RPGRIP1L: variants seen among roughly 807,000 people sequenced by gnomAD.
The protein encoded by RPGRIP1L is protein fantom.
Under a neutral mutation model 160.4 loss-of-function variants are expected in RPGRIP1L, and 131 were observed. The ratio of observed to expected loss-of-function variants is 0.82; its 90% CI spans 0.71 to 0.94. RPGRIP1L has a LOEUF of 0.94. Among genes scored for constraint, RPGRIP1L ranks in the 40% least tolerant of loss-of-function variants. The pLI, the probability that RPGRIP1L is intolerant of heterozygous loss-of-function variation, is 0.00. For missense variants in RPGRIP1L, 1,522 were observed against 1,535.8 expected (o/e 0.99, Z 0.15); for synonymous variants, 510 against 515.8 (o/e 0.99, Z 0.15).
intron 9 of RPGRIP1L, among the ~76,000 whole-genome samples, chr16:53,668,684 G>A (rs1427415298): frequency 1.3e-5 from 2 of 152,068 alleles, no homozygotes; most frequent in African/African-American, 4.8e-5. Flanking sequence ...CAAAAGTGAA[G>A]CACAGCATTA....
chr16:53,651,904 T>G (rs1009350687), intron 15 of RPGRIP1L, among the ~76,000 whole-genome samples: 28 of 151,946 alleles, frequency 1.8e-4, no homozygotes, highest in Admixed American at 1.0e-3. Context: ...TTATAACTAT[T>G]AAACCATAAA....
chr16:53,623,904 T>A (rs995576344), intron 22 of RPGRIP1L, among the ~76,000 whole-genome samples: 2 of 152,350 alleles, frequency 1.3e-5, no homozygotes, highest in East Asian at 3.9e-4. Flanking sequence ...TATCTTTTTT[T>A]ATTTTTCTTC....
In RPGRIP1L at chr16:53,672,895, T is replaced by G; in HGVS notation, c.1004A>C (p.Lys335Thr). The G allele has an allele frequency of 6.2e-7, 1 of 1,613,054 alleles. No homozygotes were observed. Among genetic ancestry groups the G allele is most frequent in the Non-Finnish European group, 8.5e-7 (1 of 1,179,498 alleles). Residue 335 changes from lysine (K) to threonine (T), a missense_variant, in exon 8 of 27, where the codon AAG becomes ACG. By Grantham distance (78) the Lys-to-Thr change is moderately conservative. Coordinates refer to ENST00000647211, the MANE Select transcript of RPGRIP1L (RefSeq NM_015272.5). ...CTCTTCTATTCTTCTTTCAGAAAAC[T>G]TCATAGAATGTAATTGTTTCTCAAG... Reference protein sequence around the residue: ...CSLEKQLHSMKFSERRIEELQ... With the variant: ...CSLEKQLHSMTFSERRIEELQ...
chr16:53,604,723 C>T (rs1963564926), intron 26 of RPGRIP1L, among the ~76,000 whole-genome samples: 1 of 152,166 alleles, frequency 6.6e-6, no homozygotes. Flanking sequence ...CATTGCAACA[C>T]TGAATTAAAG....
At chr16:53,625,406 C>G (rs879000865) in intron 22 of RPGRIP1L, among the ~76,000 whole-genome samples, 1 of 147,354 alleles carries the variant, frequency 6.8e-6, no homozygotes, top group African/African-American at 2.5e-5. Context: ...GCGCCTCAGC[C>G]TGGCGGCCGC....
chr16:53,694,639 T>C (rs1160379307), intron 3 of RPGRIP1L: 1 of 151,912 alleles, frequency 6.6e-6, no homozygotes, highest in Non-Finnish European at 1.5e-5. Context: ...AACCTCCGAG[T>C]AGCTAGGATT....
chr16:53,648,439 T>G (rs1365716869), intron 16 of RPGRIP1L, among the ~76,000 whole-genome samples: 7 of 152,174 alleles, frequency 4.6e-5, no homozygotes, highest in Admixed American at 4.6e-4. Context: ...ACAAAAGTCT[T>G]TTGATGTGTG....
chr16:53,626,827 T>A (rs9708770), intron 22 of RPGRIP1L, among the ~76,000 whole-genome samples: 2,883 of 123,128 alleles, frequency 0.023, 35 homozygotes, highest in Non-Finnish European at 0.029. Context: ...AAAAAAAAAA[T>A]TTTTTTTGTG....
intron 6 of RPGRIP1L, among the ~76,000 whole-genome samples, chr16:53,682,644 C>T (rs895253899): frequency 6.6e-6 from 1 of 152,158 alleles, no homozygotes; most frequent in Non-Finnish European, 1.5e-5. Context: ...ATGGGGACTG[C>T]CCCAAGCTTG....
rs535689260 is a variant in RPGRIP1L, at chr16:53,654,306, TCTC to T, written c.1700-1322_1700-1320del. On this transcript the variant is annotated intron_variant, in intron 14 of 26. Transcript: ENST00000647211. The stretch of plus-strand genomic sequence containing the variant: ...GTTCCTTATAGCTTTCTCTCCAGGT[TCTC>T]CTCCTTTTTTTGACTTTCCTGAATT... Among the ~76,000 whole-genome samples, 706 of 152,260 alleles carry T rather than the reference TCTC, an allele frequency of 4.6e-3. 2 individuals carry two copies. Among genetic ancestry groups the T allele is most frequent in the Non-Finnish European group, 8.2e-3 (557 of 68,010 alleles).
chr16:53,680,059 C>T (rs1969491547), intron 6 of RPGRIP1L, among the ~76,000 whole-genome samples: 2 of 152,186 alleles, frequency 1.3e-5, no homozygotes, highest in Non-Finnish European at 1.5e-5. Flanking sequence ...AACTTTCCCT[C>T]CACTATCATG....
intron 6 of RPGRIP1L, among the ~76,000 whole-genome samples, chr16:53,678,211 C>T (rs981903974): frequency 7.9e-5 from 12 of 151,604 alleles, no homozygotes; most frequent in Admixed American, 7.9e-4. Context: ...GTTGCTGGCC[C>T]ATCTCTAGAT....
At chr16:53,665,777 C>T (rs1968196355) in intron 9 of RPGRIP1L, among the ~76,000 whole-genome samples, 1 of 152,144 alleles carries the variant, frequency 6.6e-6, no homozygotes. Flanking sequence ...AGTGTACAAT[C>T]AACATTCGTT....
chr16:53,623,062 C>T (rs1386945280), intron 22 of RPGRIP1L, among the ~76,000 whole-genome samples: 1 of 152,064 alleles, frequency 6.6e-6, no homozygotes, highest in Non-Finnish European at 1.5e-5. Flanking sequence ...TTGTTGAAAG[C>T]ATATATTTCA....
intron 6 of RPGRIP1L, among the ~76,000 whole-genome samples, chr16:53,685,337 A>C (rs576615865): frequency 6.6e-6 from 1 of 152,188 alleles, no homozygotes; most frequent in Non-Finnish European, 1.5e-5. Flanking sequence ...CCATTCGACA[A>C]GGAAATCCCA....
At chr16:53,635,200 CTTAGTT>C (rs1965761974) in intron 22 of RPGRIP1L, among the ~76,000 whole-genome samples, 2 of 151,998 alleles carry the variant, frequency 1.3e-5, no homozygotes, top group Non-Finnish European at 2.9e-5. Flanking sequence ...TTTATTCTAC[CTTAGTT>C]AAGAGCAATG....
chr16:53,599,192 AT>A lies in RPGRIP1L; in HGVS notation c.*2883del, dbSNP rs879780458. The stretch of plus-strand genomic sequence containing the variant: ...CATGTCTTCATAACACATAGAAATT[AT>A]TTGTGTTTTGTGGTAACGAATGAAT... On this transcript the variant is annotated 3_prime_UTR_variant, in exon 27 of 27. Transcript: ENST00000647211. The A allele has an allele frequency of 6.6e-6, 1 of 152,204 alleles. No homozygotes were observed. Among genetic ancestry groups the A allele is most frequent in the Non-Finnish European group, 1.5e-5 (1 of 68,034 alleles). The allele number at this position is 152,204 out of a possible 1,614,324, so 9.4% of individuals were successfully genotyped here.
chr16:53,618,389 C>A (rs552600757), intron 24 of RPGRIP1L, among the ~76,000 whole-genome samples: 30 of 152,286 alleles, frequency 2.0e-4, no homozygotes, highest in Non-Finnish European at 2.9e-4. Flanking sequence ...AAAATGACTT[C>A]TTTGAAAGAT....
chr16:53,696,833 A>G (rs962059445), intron 2 of RPGRIP1L, among the ~76,000 whole-genome samples: 41 of 152,350 alleles, frequency 2.7e-4, no homozygotes, highest in African/African-American at 9.9e-4. Flanking sequence ...ACTACCTTAT[A>G]TAAATTTTAA....
Sources: allele counts gnomAD v4.1 joint callset (sites outside exome capture counted in the v4.1 genomes callset), GRCh38; gene constraint gnomAD v4.1.1; transcripts MANE v1.5; gene names NCBI Gene and HGNC (gene_info 2026-07-23, HGNC 2026-07-21).